The following FOXK1 variants were observed in gnomAD, a reference collection of about 807,000 sequenced individuals.
FOXK1 encodes forkhead box protein K1.
Under a neutral mutation model 51.9 loss-of-function variants are expected in FOXK1, and 19 were observed. The ratio of observed to expected loss-of-function variants is 0.37; its 90% CI spans 0.26 to 0.54. The LOEUF is 0.54. FOXK1 is among the 20% of genes least tolerant of loss of function. The pLI, the probability that FOXK1 is intolerant of heterozygous loss-of-function variation, is 0.87. For missense variants in FOXK1, 870 were observed against 1,032.7 expected (o/e 0.84, Z 2.16); for synonymous variants, 537 against 482.6 (o/e 1.11, Z -1.48).
chr7:4,754,649 T>C (rs1356629809), intron 3 of FOXK1, 34 bp downstream of exon 3: 11 of 1,590,792 alleles, frequency 6.9e-6, no homozygotes, highest in Non-Finnish European at 8.5e-6. Context: ...GTGCACCTGG[T>C]GACCCAGGAT....
In FOXK1 at chr7:4,755,384, G is replaced by T; in HGVS notation, c.1050+1G>T. The T allele has an allele frequency of 6.2e-7, 1 of 1,613,370 alleles. No homozygotes were observed. The highest frequency in any genetic ancestry group is 8.5e-7 in the Non-Finnish European group (1 of 1,179,936). On this transcript the variant is annotated splice_donor_variant, in intron 4 of 8. Coordinates refer to ENST00000328914, the MANE Select transcript of FOXK1 (RefSeq NM_001037165.2). LOFTEE classifies it high-confidence loss of function. The surrounding 1 kb of genome is among the most constrained non-coding windows in gnomAD (Gnocchi z 6.6). ...CCGGACGGCCGACAAAGGCTGGCAG[G>T]TGAAGCCGAGTCCCCAGGGCCGGAT...
At chr7:4,721,189 C>T (rs1050433867) in intron 1 of FOXK1, among the ~76,000 whole-genome samples, 4 of 152,212 alleles carry the variant, frequency 2.6e-5, no homozygotes, top group Admixed American at 6.5e-5. Context: ...TCAGTCTGCA[C>T]GCTTGGCTCA....
chr7:4,719,033 T>C lies in FOXK1; in HGVS notation c.561-21805T>C, dbSNP rs1442364204. Among the ~76,000 whole-genome samples the C allele has an allele frequency of 1.3e-5, 2 of 152,156 alleles. 1 individual carries two copies. Among genetic ancestry groups the C allele is most frequent in the East Asian group, 3.8e-4 (2 of 5,198 alleles). ...CATGTTGGTCAGTCTGATCTCGAAC[T>C]CCCAACCTCAGGTGATCCACCCACC... On this transcript the variant is annotated intron_variant, in intron 1 of 8. Transcript: ENST00000328914.
Position 4,767,215 on chromosome 7 carries a change from A to T in FOXK1, c.*4751A>T, listed in dbSNP as rs1024214214. 1.3e-5 allele frequency: 2 copies of T among 152,266 alleles called. No homozygotes were observed. The highest frequency in any genetic ancestry group is 4.8e-5 in the African/African-American group (2 of 41,456). 9.4% of individuals were successfully genotyped at this position (152,266 alleles called of 1,614,324 possible). On this transcript the variant is annotated 3_prime_UTR_variant, in exon 9 of 9. Transcript: ENST00000328914. This position sits in a 1 kb window ranked among gnomAD's most constrained non-coding sequence, Gnocchi z 6.6. Reference sequence around the variant, plus strand: ...CCTCTGAGAAAGCCCCCCTAAAAAAAGGCTTCAGAGTCACCGGCATGCCGC... The same window carrying T: ...CCTCTGAGAAAGCCCCCCTAAAAAATGGCTTCAGAGTCACCGGCATGCCGC...
At chr7:4,716,918 C>T (rs1780241511) in intron 1 of FOXK1, among the ~76,000 whole-genome samples, 1 of 152,146 alleles carries the variant, frequency 6.6e-6, no homozygotes, top group East Asian at 1.9e-4. Flanking sequence ...GCAGCACATC[C>T]CCAGGTGAAG....
chr7:4,714,220 A>G (rs1250541604), intron 1 of FOXK1, among the ~76,000 whole-genome samples: 1 of 152,136 alleles, frequency 6.6e-6, no homozygotes, highest in African/African-American at 2.4e-5. Flanking sequence ...TGTCACCTTT[A>G]CAAGACAGAA....
Position 4,748,103 on chromosome 7 carries a change from T to C in FOXK1, c.747-6356T>C, listed in dbSNP as rs1302833206. ...GCCTCTGAAAATTTTCTTTCCCTAT[T>C]TGTTTATTTTTCCTTTTTCAGATTA... On this transcript the variant is annotated intron_variant, in intron 2 of 8. Transcript: ENST00000328914. This position sits in a 1 kb window ranked among gnomAD's most constrained non-coding sequence, Gnocchi z 4.9. 6.6e-6 allele frequency among the ~76,000 whole-genome samples: 1 copy of C among 152,130 alleles called. No homozygotes were observed. Among genetic ancestry groups the C allele is most frequent in the Non-Finnish European group, 1.5e-5 (1 of 68,034 alleles).
rs1412686602 is a variant in FOXK1 at position 4,762,376 on chromosome 7, C to G, written c.2114C>G (p.Ser705Cys). The change falls in exon 9 of 9, where the codon TCC (serine) becomes TGC (cysteine). Residue 705 changes from serine (S) to cysteine (C), a missense_variant. By Grantham distance (112) the Ser-to-Cys change is moderately radical. Around this residue, in one of 3 missense-constraint regions of FOXK1, gnomAD observed 457 missense variants for 510.8 expected, o/e 0.89. Transcript: ENST00000328914. This position sits in a 1 kb window ranked among gnomAD's most constrained non-coding sequence, Gnocchi z 5.7. Reference protein sequence around the residue: ...SSTGEPEVKRSRVEEPSGAVT... With the variant: ...SSTGEPEVKRCRVEEPSGAVT... ...ACTGGAGAGCCCGAGGTCAAAAGGT[C>G]CCGGGTGGAGGAGCCCAGTGGTGCT... 6.5e-7 allele frequency: 1 copy of G among 1,550,078 alleles called. No individual in the cohort carries two copies. Among genetic ancestry groups the G allele is most frequent in the Non-Finnish European group, 8.7e-7 (1 of 1,147,018 alleles).
chr7:4,757,703 T>TACATA (rs1780874821), intron 5 of FOXK1, among the ~76,000 whole-genome samples: 1 of 150,304 alleles, frequency 6.7e-6, no homozygotes, highest in Non-Finnish European at 1.5e-5. Flanking sequence ...AACAGCTGTT[T>TACATA]ACATAGCAGG....
chr7:4,732,795 G>T (rs1196159934), intron 1 of FOXK1, among the ~76,000 whole-genome samples: 1 of 152,298 alleles, frequency 6.6e-6, no homozygotes, highest in East Asian at 1.9e-4. Flanking sequence ...ACAGGGTCTG[G>T]CTCTACTGCT....
At chr7:4,686,167 G>A (rs768998519) in intron 1 of FOXK1, among the ~76,000 whole-genome samples, 10 of 152,154 alleles carry the variant, frequency 6.6e-5, no homozygotes, top group Admixed American at 2.6e-4. Context: ...TTGTGAATTT[G>A]TTTACTGTAA....
chr7:4,712,408 C>G (rs1315342947), intron 1 of FOXK1, among the ~76,000 whole-genome samples: 2 of 152,042 alleles, frequency 1.3e-5, no homozygotes, highest in African/African-American at 2.4e-5. Flanking sequence ...GTGAAGGCTC[C>G]GCATTCAGAC....
intron 1 of FOXK1, among the ~76,000 whole-genome samples, chr7:4,688,345 G>A (rs1384561316): frequency 6.7e-6 from 1 of 148,420 alleles, no homozygotes; most frequent in Non-Finnish European, 1.5e-5. Flanking sequence ...CAAATAATCA[G>A]TGCATAGGTT....
intron 1 of FOXK1, among the ~76,000 whole-genome samples, chr7:4,720,807 C>G (rs1378170704): frequency 6.6e-6 from 1 of 151,796 alleles, no homozygotes; most frequent in Non-Finnish European, 1.5e-5. Context: ...CAACCTCTAC[C>G]TCCTGGGTTC....
At chr7:4,700,022 C>T (rs956315477) in intron 1 of FOXK1, among the ~76,000 whole-genome samples, 5 of 152,166 alleles carry the variant, frequency 3.3e-5, no homozygotes, top group Non-Finnish European at 5.9e-5. Context: ...AAAGAAACGC[C>T]TGTGAAGCGT....
chr7:4,754,374 C>T (rs1780815391), intron 2 of FOXK1, 85 bp from the exon 3 acceptor site: 2 of 1,491,352 alleles, frequency 1.3e-6, no homozygotes. Context: ...ACAGCCCCAC[C>T]CTCTGGGTAG....
intron 1 of FOXK1, among the ~76,000 whole-genome samples, chr7:4,721,327 T>A (rs1235401054): frequency 1.3e-5 from 2 of 152,190 alleles, no homozygotes; most frequent in Non-Finnish European, 2.9e-5. Flanking sequence ...TAGCCCTGTG[T>A]CGCTGCAGCC....
intron 1 of FOXK1, among the ~76,000 whole-genome samples, chr7:4,739,630 C>T (rs2115060344): frequency 6.6e-6 from 1 of 152,294 alleles, no homozygotes; most frequent in African/African-American, 2.4e-5. Flanking sequence ...TGGTCGTCTC[C>T]AGTAGAAAAA....
Position 4,754,496 on chromosome 7 carries a change from G to T in FOXK1, c.784G>T (p.Gly262Cys). 6.2e-7 allele frequency: 1 copy of T among 1,613,116 alleles called. No individual in the cohort carries two copies. Among genetic ancestry groups the T allele is most frequent in the South Asian group, 1.1e-5 (1 of 91,082 alleles). ...NSCPASPRGA[G>C]SSSYRFVQNV... is the part of the protein sequence containing the mutation. Reference sequence around the variant, plus strand: ...CTGCCCAGCCAGTCCACGCGGTGCCGGCTCCTCCAGTTACCGCTTTGTGCA... The same window carrying T: ...CTGCCCAGCCAGTCCACGCGGTGCCTGCTCCTCCAGTTACCGCTTTGTGCA... Residue 262 changes from glycine (G) to cysteine (C), a missense_variant, in exon 3 of 9, where the codon GGC (glycine) becomes TGC (cysteine). By Grantham distance (159) the Gly-to-Cys change is radical (BLOSUM62 -3). Transcript: ENST00000328914.
Sources: allele counts gnomAD v4.1 joint callset (sites outside exome capture counted in the v4.1 genomes callset), GRCh38; gene constraint gnomAD v4.1.1; regional missense constraint gnomAD v4.1.1; non-coding constraint Gnocchi (gnomAD v3.1); transcripts MANE v1.5; gene names NCBI Gene and HGNC (gene_info 2026-07-23, HGNC 2026-07-21).